The following DSP variants were observed in gnomAD, a reference collection of about 807,000 sequenced individuals.
The protein encoded by DSP is 250/210 kDa paraneoplastic pemphigus antigen.
In DSP, 114 loss-of-function variants were observed where a neutral mutation model predicts 290.6. That is an observed-to-expected ratio of 0.39 (90% CI 0.34 to 0.46). The LOEUF is 0.46. Ranked by LOEUF, DSP falls within the 20% of genes least tolerant of loss-of-function variation. The probability of loss-of-function intolerance (pLI) is 0.99; values close to 1 mark genes in which losing one functional copy is unlikely to be tolerated. For missense variants in DSP, 3,230 were observed against 3,495.8 expected (o/e 0.92, Z 1.92); for synonymous variants, 1,311 against 1,316.4 (o/e 1.00, Z 0.09).
In DSP at chr6:7,584,883, A is replaced by T; in HGVS notation, c.7621A>T (p.Arg2541Trp). The stretch of plus-strand genomic sequence containing the variant: ...TGCTATTGACAAGGGCCTTGTTGAC[A>T]GGAAGTTCTTTGATCAGTACCGATC... ...QDAIDKGLVD[R>W]KFFDQYRSGS... Residue 2541 changes from arginine (R) to tryptophan (W), a missense_variant, in exon 24 of 24, where the codon AGG (arginine) becomes TGG (tryptophan). Arg to Trp is a moderately radical substitution (Grantham distance 101). Around this residue, in one of 5 missense-constraint regions of DSP, gnomAD observed 582 missense variants for 555.4 expected, o/e 1.05. Transcript: ENST00000379802. This position sits in a 1 kb window ranked among gnomAD's most constrained non-coding sequence, Gnocchi z 6.4. 6.2e-7 allele frequency: 1 copy of T among 1,614,240 alleles called. No individual in the cohort carries two copies. The highest frequency in any genetic ancestry group is 8.5e-7 in the Non-Finnish European group (1 of 1,180,048).
chr6:7,578,428 A>C, intron 21 of DSP, 36 bp from the exon 22 acceptor site: 1 of 1,562,738 alleles, frequency 6.4e-7, no homozygotes, highest in Non-Finnish European at 8.8e-7. Context: ...TTTTTAATGC[A>C]ATATCTTTTT....
At chr6:7,554,965 T>C (rs1430094051) in intron 1 of DSP, among the ~76,000 whole-genome samples, 2 of 152,140 alleles carry the variant, frequency 1.3e-5, no homozygotes, top group African/African-American at 4.8e-5. Flanking sequence ...AATATTTTTG[T>C]AGAGTAAGCT....
intron 1 of DSP, among the ~76,000 whole-genome samples, chr6:7,554,048 CA>C (rs1355126413): frequency 1.4e-5 from 2 of 147,160 alleles, no homozygotes; most frequent in Admixed American, 6.8e-5. Flanking sequence ...GTTTGTCAAA[CA>C]TTTTTTTTTA....
chr6:7,568,324 T>C, intron 10 of DSP, 113 bp from the exon 11 acceptor site: 1 of 1,193,298 alleles, frequency 8.4e-7, no homozygotes, highest in South Asian at 1.3e-5. Context: ...TTACAATTGA[T>C]GCAACTGCAG....
In DSP at chr6:7,541,685, C is replaced by T. The variant is rs1757975007; in HGVS notation, c.-231C>T. 7.0e-6 allele frequency: 4 copies of T among 570,500 alleles called. No individual in the cohort carries two copies. Among genetic ancestry groups the T allele is most frequent in the Non-Finnish European group, 9.1e-6 (3 of 330,092 alleles). 35.3% of individuals were successfully genotyped at this position (570,500 alleles called of 1,614,324 possible). On this transcript the variant is annotated 5_prime_UTR_variant, in exon 1 of 24. Transcript: ENST00000379802. Reference sequence around the variant, plus strand: ...CCGACGCAGCTCCTCTGCGCCCTTGCCGCCCTCCGAGCCACAGCTTTCCTC... The same window carrying T: ...CCGACGCAGCTCCTCTGCGCCCTTGTCGCCCTCCGAGCCACAGCTTTCCTC...
chr6:7,575,543 A>C, intron 18 of DSP, 55 bp downstream of exon 18: 1 of 1,605,712 alleles, frequency 6.2e-7, no homozygotes, highest in Non-Finnish European at 8.5e-7. Flanking sequence ...GGTTGTTCAC[A>C]AGATAATGTC....
chr6:7,584,342 A>G lies in DSP; in HGVS notation c.7080A>G (p.Glu2360=). 6.2e-7 allele frequency: 1 copy of G among 1,614,186 alleles called. No homozygotes were observed. The highest frequency in any genetic ancestry group is 1.1e-5 in the South Asian group (1 of 91,080). The stretch of plus-strand genomic sequence containing the variant: ...AAGCCATGAATAAGGAACTCATCGA[A>G]AAGGGCCACGGTATTCGCTTATTAG... ...LFQAMNKELI[E]KGHGIRLLEA... is the part of the protein sequence containing the mutation. The change falls in exon 24 of 24, where the codon GAA becomes GAG. Residue 2360 remains glutamate, a synonymous_variant. Transcript: ENST00000379802. This position sits in a 1 kb window ranked among gnomAD's most constrained non-coding sequence, Gnocchi z 6.4.
Position 7,585,207 on chromosome 6 carries a change from A to AG in DSP, c.7947dup (p.Leu2650AlafsTer32). 6.2e-7 allele frequency: 1 copy of AG among 1,614,172 alleles called. No homozygotes were observed. The highest frequency in any genetic ancestry group is 8.5e-7 in the Non-Finnish European group (1 of 1,180,030). Reference sequence around the variant, plus strand: ...CATCGTTGACAGCATCACGGGTCAGAGGCTTCTGGAGGCTCAGGCCTGCAC... The same window carrying AG: ...CATCGTTGACAGCATCACGGGTCAGAGGGCTTCTGGAGGCTCAGGCCTGCAC... On this transcript the variant is annotated frameshift_variant, in exon 24 of 24. Coordinates refer to ENST00000379802, the MANE Select transcript of DSP (RefSeq NM_004415.4). LOFTEE classifies it high-confidence loss of function.
chr6:7,576,192 C>A, intron 18 of DSP, 102 bp from the exon 19 acceptor site: 1 of 1,282,306 alleles, frequency 7.8e-7, no homozygotes, highest in Non-Finnish European at 1.1e-6. Context: ...GGAATATGAT[C>A]AGTTTTCTTG....
In DSP at chr6:7,559,320, A is replaced by C; in HGVS notation, c.517A>C (p.Thr173Pro). The C allele has an allele frequency of 6.2e-7, 1 of 1,613,880 alleles. No individual in the cohort carries two copies. The highest frequency in any genetic ancestry group is 1.3e-5 in the African/African-American group (1 of 75,044). ...RASSKGGGGY[T>P]CQSGSGWDEF... Reference sequence around the variant, plus strand: ...CAGCTCCAAGGGTGGTGGAGGCTACACTTGTCAGAGTGGCTCTGGCTGGGA... The same window carrying C: ...CAGCTCCAAGGGTGGTGGAGGCTACCCTTGTCAGAGTGGCTCTGGCTGGGA... Residue 173 changes from threonine to proline, a missense_variant, in exon 4 of 24, where the codon ACT (threonine) becomes CCT (proline). Transcript: ENST00000379802.
chr6:7,571,796 T>C, intron 14 of DSP, 46 bp from the exon 15 acceptor site: 1 of 1,589,382 alleles, frequency 6.3e-7, no homozygotes, highest in Non-Finnish European at 8.6e-7. Flanking sequence ...AGCACCTTGA[T>C]ACCTAGGTAT....
In DSP at chr6:7,565,417, C is replaced by T. The variant is rs1758829264; in HGVS notation, c.836C>T (p.Thr279Met). 6.2e-6 allele frequency: 10 copies of T among 1,614,136 alleles called. No homozygotes were observed. The highest frequency in any genetic ancestry group is 6.8e-6 in the Non-Finnish European group (8 of 1,180,026). ...LRQLQNIIQA[T>M]SREIMWINDC... The stretch of plus-strand genomic sequence containing the variant: ...CAGCTGCAGAACATCATTCAGGCCA[C>T]GTCCAGGGAGATCATGTGGATCAAT... Residue 279 changes from threonine (T) to methionine (M), a missense_variant, in exon 7 of 24, where the codon ACG (threonine) becomes ATG (methionine). By Grantham distance (81) the Thr-to-Met change is moderately conservative. Around this residue, in one of 5 missense-constraint regions of DSP, gnomAD observed 646 missense variants for 684.3 expected, o/e 0.94. Coordinates refer to ENST00000379802, the MANE Select transcript of DSP (RefSeq NM_004415.4). The surrounding 1 kb of genome is among the most constrained non-coding windows in gnomAD (Gnocchi z 4.2).
intron 1 of DSP, among the ~76,000 whole-genome samples, chr6:7,548,264 G>GA (rs1018495198): frequency 5.9e-4 from 86 of 144,638 alleles, no homozygotes; most frequent in Admixed American, 9.7e-4. Context: ...GAGACTCCGT[G>GA]AAAAAAAAAA....
chr6:7,558,487 C>G lies in DSP; in HGVS notation c.422+223C>G, dbSNP rs77489153. On this transcript the variant is annotated intron_variant, in intron 3 of 23. Transcript: ENST00000379802. ...GTACCTCCCTTTAGAGGACAGAAAG[C>G]CCTTTGGCATGGCATTTGACTTTTT... 0.023 allele frequency among the ~76,000 whole-genome samples: 3,533 copies of G among 151,508 alleles called. 134 individuals are homozygous for G. The highest frequency in any genetic ancestry group is 0.081 in the African/African-American group (3,333 of 41,244).
At position 7,542,858 on chromosome 6, in the gene DSP, C is replaced by G. The variant is rs117171594; in HGVS notation, c.170+773C>G. On this transcript the variant is annotated intron_variant, in intron 1 of 23. Coordinates refer to ENST00000379802, the MANE Select transcript of DSP (RefSeq NM_004415.4). The stretch of plus-strand genomic sequence containing the variant: ...TTTGTTTCCTCCTTTTTAAAAACAC[C>G]GGATGAAAGACCCCAGTGTGCCTTG... Among the ~76,000 whole-genome samples, 37 of 151,040 alleles carry G rather than the reference C, an allele frequency of 2.4e-4. No individual in the cohort carries two copies. In the East Asian group the frequency reaches 5.9e-3, roughly 24 times the overall value.
intron 1 of DSP, among the ~76,000 whole-genome samples, chr6:7,550,099 G>A (rs1052796867): frequency 6.6e-6 from 1 of 152,024 alleles, no homozygotes; most frequent in South Asian, 2.1e-4. Context: ...GTGCAGTGGT[G>A]CAATCTCGGC....
At position 7,541,948 on chromosome 6, in the gene DSP, C is replaced by T; in HGVS notation, c.33C>T (p.Ile11=). MSCNGGSHPR[I]NTLGRMIRAE... ...GCAACGGAGGCTCCCACCCGCGGATCAACACTCTGGGCCGCATGATCCGCG... is the reference window on the plus strand; with the variant it reads ...GCAACGGAGGCTCCCACCCGCGGATTAACACTCTGGGCCGCATGATCCGCG... Residue 11 remains isoleucine (I), a synonymous_variant, in exon 1 of 24, where the codon ATC becomes ATT. Coordinates refer to ENST00000379802, the MANE Select transcript of DSP (RefSeq NM_004415.4). The T allele has an allele frequency of 6.2e-7, 1 of 1,609,508 alleles. No homozygotes were observed. The highest frequency in any genetic ancestry group is 2.2e-5 in the East Asian group (1 of 44,720).
Position 7,585,002 on chromosome 6 carries a change from T to A in DSP, c.7740T>A (p.Asp2580Glu). 1 of 1,614,196 alleles carries A rather than the reference T, an allele frequency of 6.2e-7. No individual in the cohort carries two copies. The highest frequency in any genetic ancestry group is 8.5e-7 in the Non-Finnish European group (1 of 1,180,022). ...SSSMGSGVSDDVFSSSRHESV... is the reference protein window; with the variant it reads ...SSSMGSGVSDEVFSSSRHESV... ...GCATGGGCAGTGGTGTCAGCGATGA[T>A]GTTTTTAGCAGCTCCCGACATGAAT... Residue 2580 changes from aspartate (D) to glutamate (E), a missense_variant, in exon 24 of 24, where the codon GAT becomes GAA. By Grantham distance (45) the Asp-to-Glu change is conservative. This residue lies in a region of DSP where 582 missense variants were observed against 555.4 expected (regional missense o/e 1.05). Transcript: ENST00000379802.
chr6:7,544,831 T>C (rs1277990858), intron 1 of DSP, among the ~76,000 whole-genome samples: 2 of 152,232 alleles, frequency 1.3e-5, no homozygotes, highest in African/African-American at 4.8e-5. Context: ...TTGTTTTAGA[T>C]TGAATGGAAT....
Sources: gnomAD v4.1 joint callset for allele counts (sites outside exome capture counted in the v4.1 genomes callset) on GRCh38, gnomAD v4.1.1 for gene constraint, gnomAD v4.1.1 regional missense constraint, Gnocchi (gnomAD v3.1) non-coding constraint, MANE v1.5 for transcripts, NCBI Gene and HGNC (gene_info 2026-07-23, HGNC 2026-07-21) for gene names.